The following WWOX variants were observed in gnomAD, a reference collection of about 807,000 sequenced individuals.
WWOX encodes the protein WW domain containing oxidoreductase, also known as WW domain-containing oxidoreductase.
WWOX carries 69 observed loss-of-function variants against 46.2 expected under a neutral mutation model. That is an observed-to-expected ratio of 1.49 (90% CI 1.23 to 1.82). WWOX has a LOEUF of 1.82. Ranked by LOEUF, WWOX falls within the 40% of genes most tolerant of loss-of-function variation. WWOX has a pLI of 0.00. For missense variants in WWOX, 919 were observed against 542.6 expected (o/e 1.69, Z -6.89); for synonymous variants, 359 against 202.6 (o/e 1.77, Z -6.56).
intron 8 of WWOX, among the ~76,000 whole-genome samples, chr16:78,725,195 GC>G (rs1317214410): frequency 4.0e-5 from 6 of 150,282 alleles, no homozygotes; most frequent in Non-Finnish European, 8.9e-5. Flanking sequence ...CTTGCCTACT[GC>G]CATGTATGAT....
chr16:78,724,703 A>AG (rs1196525325), intron 8 of WWOX, among the ~76,000 whole-genome samples: 1 of 152,118 alleles, frequency 6.6e-6, no homozygotes, highest in Non-Finnish European at 1.5e-5. Flanking sequence ...TTGAGATTGA[A>AG]GCTCGCACTC....
chr16:78,882,708 T>C (rs1386437383), intron 8 of WWOX, among the ~76,000 whole-genome samples: 1 of 151,958 alleles, frequency 6.6e-6, no homozygotes, highest in African/African-American at 2.4e-5. Flanking sequence ...AGGCTGGCCT[T>C]GTATTTCTGA....
At chr16:78,956,114 C>A (rs903414299) in intron 8 of WWOX, among the ~76,000 whole-genome samples, 2 of 152,064 alleles carry the variant, frequency 1.3e-5, no homozygotes, top group Admixed American at 1.3e-4. Flanking sequence ...TATCTACATC[C>A]CCACTAGATC....
At chr16:78,752,207 T>C (rs2049499634) in intron 8 of WWOX, among the ~76,000 whole-genome samples, 1 of 152,242 alleles carries the variant, frequency 6.6e-6, no homozygotes, top group Non-Finnish European at 1.5e-5. Context: ...AGTAGTTGAG[T>C]GACTTGAAAT....
In WWOX at chr16:79,102,271, C is replaced by T. The variant is rs573083355; in HGVS notation, c.1057-109337C>T. ...TGTCTGCTTAGTTCAGGTATTGGGT[C>T]AGCGTCTTGTGACTATGGACAAGAG... On this transcript the variant is annotated intron_variant, in intron 8 of 8. Transcript: ENST00000566780. Among the ~76,000 whole-genome samples the T allele has an allele frequency of 2.5e-4, 38 of 152,264 alleles. No individual in the cohort carries two copies. The Middle Eastern group carries it at 0.014, about 55-fold the overall frequency.
intron 1 of WWOX, among the ~76,000 whole-genome samples, chr16:78,104,184 C>T (rs1441312203): frequency 6.6e-6 from 1 of 151,344 alleles, no homozygotes; most frequent in African/African-American, 2.4e-5. Flanking sequence ...GGCTGGCTGT[C>T]CTCACCGTGA....
At chr16:78,480,656 G>C (rs750477213) in intron 8 of WWOX, among the ~76,000 whole-genome samples, 16 of 152,324 alleles carry the variant, frequency 1.1e-4, no homozygotes, top group Admixed American at 3.3e-4. Flanking sequence ...ATAGTACACA[G>C]ATGCACTGAC....
chr16:78,444,926 G>A (rs941024159), intron 8 of WWOX, among the ~76,000 whole-genome samples: 1 of 152,162 alleles, frequency 6.6e-6, no homozygotes, highest in African/African-American at 2.4e-5. Flanking sequence ...GAAGTGATGG[G>A]GTTGTACTTG....
chr16:78,401,275 C>T (rs1203963462), intron 6 of WWOX, among the ~76,000 whole-genome samples: 2 of 151,988 alleles, frequency 1.3e-5, no homozygotes, highest in African/African-American at 4.8e-5. Context: ...AGTAAATTAA[C>T]AAAGTGGAAA....
chr16:78,562,127 G>A, intron 8 of WWOX, among the ~76,000 whole-genome samples: 1 of 152,128 alleles, frequency 6.6e-6, no homozygotes, highest in East Asian at 1.9e-4. Flanking sequence ...AAACAAATTG[G>A]ATGCTCAACT....
chr16:78,276,077 C>T (rs966097663), intron 5 of WWOX, among the ~76,000 whole-genome samples: 1 of 152,142 alleles, frequency 6.6e-6, no homozygotes, highest in Non-Finnish European at 1.5e-5. Flanking sequence ...ACAGTATTAG[C>T]GTGCTGCAGT....
intron 8 of WWOX, among the ~76,000 whole-genome samples, chr16:78,649,365 C>T (rs949818804): frequency 1.2e-4 from 18 of 152,122 alleles, no homozygotes; most frequent in African/African-American, 4.3e-4. Flanking sequence ...CTTACTGCAG[C>T]CTGTAGGTCC....
chr16:79,210,242 A>AACAG (rs1227827803), intron 8 of WWOX, among the ~76,000 whole-genome samples: 18 of 152,130 alleles, frequency 1.2e-4, no homozygotes, highest in African/African-American at 4.3e-4. Context: ...AAACCAAACA[A>AACAG]CAATGACAAC....
Position 78,646,688 on chromosome 16 carries a change from G to A in WWOX, c.1056+213936G>A, listed in dbSNP as rs144532242. Among the ~76,000 whole-genome samples the A allele has an allele frequency of 2.0e-4, 31 of 152,244 alleles. 2 individuals carry two copies. Among genetic ancestry groups the A allele is most frequent in the African/African-American group, 6.5e-4 (27 of 41,552 alleles). On this transcript the variant is annotated intron_variant, in intron 8 of 8. Coordinates refer to ENST00000566780, the MANE Select transcript of WWOX (RefSeq NM_016373.4). ...GGTGATCCGCCCTACTGGGCCTCCC[G>A]TAGTGATAGGATTACAGGCCATTGT... is the stretch of plus-strand genomic sequence containing the variant.
chr16:78,567,231 C>G (rs932443202), intron 8 of WWOX, among the ~76,000 whole-genome samples: 4 of 152,146 alleles, frequency 2.6e-5, no homozygotes, highest in Non-Finnish European at 4.4e-5. Context: ...CTGCCAGGGT[C>G]TTTGCTCTTC....
At chr16:78,558,265 C>A (rs1285049200) in intron 8 of WWOX, among the ~76,000 whole-genome samples, 4 of 152,238 alleles carry the variant, frequency 2.6e-5, no homozygotes, top group Non-Finnish European at 5.9e-5. Context: ...GAGTCTCCAT[C>A]CTCGTTTCCC....
intron 8 of WWOX, among the ~76,000 whole-genome samples, chr16:79,179,587 C>T (rs780103116): frequency 6.6e-6 from 1 of 152,184 alleles, no homozygotes; most frequent in African/African-American, 2.4e-5. Flanking sequence ...GTGTGGAAAG[C>T]AATGTAGCTT....
At position 78,464,811 on chromosome 16, in the gene WWOX, G is replaced by A. The variant is rs2084035790; in HGVS notation, c.1056+32059G>A. Among the ~76,000 whole-genome samples the A allele has an allele frequency of 2.6e-5, 4 of 152,144 alleles. No homozygotes were observed. The South Asian group carries it at 6.2e-4, about 24-fold the overall frequency. ...TGTTCTGACCTGGGGGGAAATGTTA[G>A]ACCCTCAATAAGGAGAATCAGAGAA... On this transcript the variant is annotated intron_variant, in intron 8 of 8. Transcript: ENST00000566780.
chr16:78,330,143 A>G (rs2080721244), intron 5 of WWOX, among the ~76,000 whole-genome samples: 1 of 152,178 alleles, frequency 6.6e-6, no homozygotes, highest in African/African-American at 2.4e-5. Flanking sequence ...AAACGTTTGA[A>G]AACATTCCTT....
Sources: allele counts gnomAD v4.1 joint callset (sites outside exome capture counted in the v4.1 genomes callset), GRCh38; gene constraint gnomAD v4.1.1; transcripts MANE v1.5; gene names NCBI Gene and HGNC (gene_info 2026-07-23, HGNC 2026-07-21).